The following LIPI variants were observed in gnomAD, a reference collection of about 807,000 sequenced individuals.
The protein encoded by LIPI is lipase member I.
In LIPI, 59 loss-of-function variants were observed where a neutral mutation model predicts 50.6. The ratio of observed to expected loss-of-function variants is 1.16; its 90% CI spans 0.94 to 1.45. LIPI has a LOEUF of 1.45. Ranked by LOEUF, LIPI falls within the 40% of genes most tolerant of loss-of-function variation. The probability of loss-of-function intolerance (pLI) is 0.00; values close to 1 mark genes in which losing one functional copy is unlikely to be tolerated. For missense variants in LIPI, 586 were observed against 536.3 expected, an observed-to-expected ratio of 1.09 and a Z score of -0.92; for synonymous variants, 203 against 178.2, an observed-to-expected ratio of 1.14 and a Z score of -1.11.
Position 14,108,917 on chromosome 21 carries a change from A to G in LIPI, c.*76T>C. 1 of 1,575,738 alleles carries G rather than the reference A, an allele frequency of 6.3e-7. No homozygotes were observed. Among genetic ancestry groups the G allele is most frequent in the Non-Finnish European group, 8.7e-7 (1 of 1,147,904 alleles). ...TGAATCTCAAATTGAACAGTGCATT[A>G]TAAAAGACTGATTGCATTGTTTCAT... On this transcript the variant is annotated 3_prime_UTR_variant, in exon 10 of 10. Coordinates refer to ENST00000681601, the MANE Select transcript of LIPI (RefSeq NM_001302998.2).
chr21:14,118,533 C>T (rs188272376), intron 9 of LIPI, among the ~76,000 whole-genome samples: 36 of 152,292 alleles, frequency 2.4e-4, no homozygotes, highest in Admixed American at 2.4e-3. Context: ...ATCTCCTTTA[C>T]ACCAAGTGGA....
intron 1 of LIPI, among the ~76,000 whole-genome samples, chr21:14,191,363 C>CA (rs1158836701): frequency 1.8e-5 from 2 of 108,768 alleles, no homozygotes; most frequent in African/African-American, 7.4e-5. Context: ...GGCGACAGAG[C>CA]AAGACTCCGT....
At chr21:14,115,192 C>T (rs115781158) in intron 9 of LIPI, among the ~76,000 whole-genome samples, 1,983 of 152,224 alleles carry the variant, frequency 0.013, 37 homozygotes, top group African/African-American at 0.045. Context: ...TACCTACTTG[C>T]TAATTTCATA....
intron 9 of LIPI, among the ~76,000 whole-genome samples, chr21:14,112,182 T>C (rs1457503289): frequency 6.6e-6 from 1 of 152,156 alleles, no homozygotes; most frequent in East Asian, 1.9e-4. Flanking sequence ...CTCTGTTCTG[T>C]TCCATTGGTC....
intron 4 of LIPI, among the ~76,000 whole-genome samples, chr21:14,176,311 T>C (rs1296631342): frequency 6.6e-6 from 1 of 152,042 alleles, no homozygotes; most frequent in African/African-American, 2.4e-5. Context: ...TTAATTTCTT[T>C]GGTATGTTTA....
In LIPI at chr21:14,186,575, T is replaced by C. The variant is rs143106869; in HGVS notation, c.433-506A>G. ...AAGTAACAACTTTCCCAAAGCCACA[T>C]AGATTCATAAGAGGAAAAGATGGAT... is the stretch of plus-strand genomic sequence containing the variant. On this transcript the variant is annotated intron_variant, in intron 2 of 9. Transcript: ENST00000681601. 7.8e-3 allele frequency among the ~76,000 whole-genome samples: 1,184 copies of C among 152,294 alleles called. 12 individuals are homozygous for C. The highest frequency in any genetic ancestry group is 0.018 in the African/African-American group (751 of 41,558).
At chr21:14,150,806 A>G (rs2018063460) in intron 8 of LIPI, among the ~76,000 whole-genome samples, 1 of 152,220 alleles carries the variant, frequency 6.6e-6, no homozygotes, top group Admixed American at 6.5e-5. Flanking sequence ...GGTCTTGACG[A>G]AAGTCAAGAA....
rs1039807317 is a variant in LIPI at position 14,189,266 on chromosome 21, T to A, written c.200A>T (p.Asn67Ile). The A allele has an allele frequency of 3.1e-6, 5 of 1,613,812 alleles. No individual in the cohort carries two copies. The highest frequency in any genetic ancestry group is 1.3e-5 in the African/African-American group (1 of 74,906). Residue 67 changes from asparagine (N) to isoleucine (I), a missense_variant, in exon 2 of 10, where the codon AAT (asparagine) becomes ATT (isoleucine). By Grantham distance (149) the Asn-to-Ile change is moderately radical (BLOSUM62 -3). Coordinates refer to ENST00000681601, the MANE Select transcript of LIPI (RefSeq NM_001302998.2). ...TTTCTTTTGTGTGTTGAAATTAACA[T>A]TAAGTGAGTTATTTTGTTCAAACAG... Reference protein sequence around the residue: ...EPLFEQNNSLNVNFNTQKKTV... With the variant: ...EPLFEQNNSLIVNFNTQKKTV...
intron 4 of LIPI, 22 bp from the exon 5 acceptor site, chr21:14,166,473 A>G: frequency 8.1e-7 from 1 of 1,237,010 alleles, no homozygotes; most frequent in Non-Finnish European, 1.2e-6. Context: ...GGCACCCAAG[A>G]ATCACAACAT....
rs577086471 is a variant in LIPI, at chr21:14,201,048, A to C, written c.46+9752T>G. On this transcript the variant is annotated intron_variant, in intron 1 of 9. Transcript: ENST00000681601. ...CGAATAAGTGGTGCTGGGATAACTG[A>C]CTAGCCATATGAAGAAGATTGAAAC... Among the ~76,000 whole-genome samples, 3 of 152,150 alleles carry C rather than the reference A, an allele frequency of 2.0e-5. No individual in the cohort carries two copies. In the South Asian group the frequency reaches 6.2e-4, roughly 32 times the overall value.
At chr21:14,147,624 G>A (rs954358366) in intron 8 of LIPI, among the ~76,000 whole-genome samples, 1 of 151,994 alleles carries the variant, frequency 6.6e-6, no homozygotes, top group Admixed American at 6.6e-5. Context: ...GCACAGATCC[G>A]GGTCTATAGA....
At chr21:14,197,711 A>G (rs1449173215) in intron 1 of LIPI, among the ~76,000 whole-genome samples, 2 of 152,182 alleles carry the variant, frequency 1.3e-5, no homozygotes, top group Admixed American at 6.6e-5. Context: ...GATATCATCC[A>G]GAAAAATTTC....
At chr21:14,124,867 T>A (rs1384793714) in intron 9 of LIPI, among the ~76,000 whole-genome samples, 1 of 152,170 alleles carries the variant, frequency 6.6e-6, no homozygotes, top group African/African-American at 2.4e-5. Context: ...GGCACGCACA[T>A]GCCTGTAATC....
Position 14,109,036 on chromosome 21 carries a change from TC to T in LIPI, c.1339del (p.Glu447LysfsTer26), listed in dbSNP as rs760533842. 23 of 1,599,394 alleles carry T rather than the reference TC, an allele frequency of 1.4e-5. No individual in the cohort carries two copies. The Admixed American group carries it at 3.7e-4, about 26-fold the overall frequency. The stretch of plus-strand genomic sequence containing the variant: ...ACATGTGTTTGGATTAAGAAACACT[TC>T]CTCTCTGTCTTTAAGTACAATATTA... ...RYNIVLKDREEVFLNPNTCTP... is the reference protein window; with the variant it reads ...RYNIVLKDREXVFLNPNTCTP... On this transcript the variant is annotated frameshift_variant, in exon 10 of 10. Coordinates refer to ENST00000681601, the MANE Select transcript of LIPI (RefSeq NM_001302998.2). LOFTEE classifies it high-confidence loss of function.
At chr21:14,208,573 A>C (rs2020284293) in intron 1 of LIPI, among the ~76,000 whole-genome samples, 2 of 152,352 alleles carry the variant, frequency 1.3e-5, no homozygotes, top group South Asian at 4.1e-4. Context: ...TGGTGACATG[A>C]AAGTTACAAC....
At chr21:14,169,227 C>G (rs1180573624) in intron 4 of LIPI, among the ~76,000 whole-genome samples, 4 of 152,066 alleles carry the variant, frequency 2.6e-5, no homozygotes, top group Non-Finnish European at 5.9e-5. Flanking sequence ...TCCTGAGTGA[C>G]CTACAAAGAG....
intron 9 of LIPI, among the ~76,000 whole-genome samples, chr21:14,122,374 C>A (rs1243961966): frequency 6.6e-6 from 1 of 152,170 alleles, no homozygotes; most frequent in Non-Finnish European, 1.5e-5. Context: ...GTTTGAAATT[C>A]AAATAGGGAA....
At chr21:14,164,019 T>C (rs1365135883) in intron 6 of LIPI, among the ~76,000 whole-genome samples, 5 of 150,466 alleles carry the variant, frequency 3.3e-5, no homozygotes, top group African/African-American at 9.7e-5. Context: ...TACTGTATGT[T>C]GTGCATATAA....
chr21:14,169,569 C>A (rs1449583878), intron 4 of LIPI, among the ~76,000 whole-genome samples: 1 of 152,218 alleles, frequency 6.6e-6, no homozygotes, highest in African/African-American at 2.4e-5. Context: ...TCACTCAAAA[C>A]CGTTCAACTA....
Sources: allele counts gnomAD v4.1 joint callset (sites outside exome capture counted in the v4.1 genomes callset), GRCh38; gene constraint gnomAD v4.1.1; transcripts MANE v1.5; gene names NCBI Gene and HGNC (gene_info 2026-07-23, HGNC 2026-07-21).